The following CREB5 variants were observed in gnomAD, a reference collection of about 807,000 sequenced individuals.
The protein encoded by CREB5 is cAMP responsive element binding protein 5.
CREB5 carries 19 observed loss-of-function variants against 57.1 expected under a neutral mutation model. The observed-to-expected ratio is 0.33, with a 90% confidence interval of 0.23 to 0.49. The LOEUF (loss-of-function observed/expected upper bound fraction) is 0.49, where lower values mean the gene tolerates loss of function less well. Among genes scored for constraint, CREB5 ranks in the 20% least tolerant of loss-of-function variants. CREB5 has a pLI of 0.99. For synonymous variants in CREB5, 238 were observed against 238.3 expected, an observed-to-expected ratio of 1.00 and a Z score of 0.01; for missense variants, 579 against 671.6, an observed-to-expected ratio of 0.86 and a Z score of 1.52.
intron 7 of CREB5, among the ~76,000 whole-genome samples, chr7:28,802,078 GAAAAAA>G (rs35658848): frequency 1.6e-3 from 43 of 26,648 alleles, no homozygotes; most frequent in Middle Eastern, 0.062. Flanking sequence ...GACTCCATCT[GAAAAAA>G]AAAAAAAAAA....
chr7:28,329,377 C>T (rs1288734670), intron 1 of CREB5, among the ~76,000 whole-genome samples: 1 of 152,194 alleles, frequency 6.6e-6, no homozygotes, highest in African/African-American at 2.4e-5. Context: ...AGAGTTCATC[C>T]TCCTACTGGC....
At position 28,528,048 on chromosome 7, in the gene CREB5, C is replaced by A. The variant is rs1002160032; in HGVS notation, c.291+20311C>A. Among the ~76,000 whole-genome samples, 20 of 152,304 alleles carry A rather than the reference C, an allele frequency of 1.3e-4. No individual in the cohort carries two copies. In the South Asian group the frequency reaches 2.7e-3, roughly 21 times the overall value. On this transcript the variant is annotated intron_variant, in intron 4 of 10. Coordinates refer to ENST00000357727, the MANE Select transcript of CREB5 (RefSeq NM_182898.4). ...GGCACAATTACATGTGCGGGTCCAGCAAATTGCCTTGCACATAGAATATAC... is the reference window on the plus strand; with the variant it reads ...GGCACAATTACATGTGCGGGTCCAGAAAATTGCCTTGCACATAGAATATAC...
chr7:28,752,211 G>A (rs1477412615), intron 7 of CREB5, among the ~76,000 whole-genome samples: 1 of 152,080 alleles, frequency 6.6e-6, no homozygotes, highest in Non-Finnish European at 1.5e-5. Flanking sequence ...TTGTTGCCCA[G>A]GCTGGAGAGC....
chr7:28,767,115 C>A (rs545348291), intron 7 of CREB5, among the ~76,000 whole-genome samples: 1 of 152,302 alleles, frequency 6.6e-6, no homozygotes, highest in East Asian at 1.9e-4. Context: ...TGCCCAAGAT[C>A]TTGTGTTTTG....
chr7:28,560,829 C>CGTGTGTGTGTGT (rs1562797035), intron 4 of CREB5, among the ~76,000 whole-genome samples: 34 of 65,228 alleles, frequency 5.2e-4, no homozygotes, highest in Non-Finnish European at 7.1e-4. Flanking sequence ...TGTGCGCGCG[C>CGTGTGTGTGTGT]GCGCGTGTGT....
intron 5 of CREB5, among the ~76,000 whole-genome samples, chr7:28,690,600 CTG>C (rs1233923184): frequency 2.0e-5 from 3 of 152,174 alleles, no homozygotes; most frequent in Non-Finnish European, 4.4e-5. Context: ...CCTACCTTCT[CTG>C]TGAATTGTGG....
chr7:28,777,059 G>A (rs1472697717), intron 7 of CREB5, among the ~76,000 whole-genome samples: 2 of 152,156 alleles, frequency 1.3e-5, no homozygotes, highest in Non-Finnish European at 2.9e-5. Context: ...TTGGGTATAT[G>A]CCTAGGAGTA....
chr7:28,468,421 G>A (rs930705136), intron 1 of CREB5, among the ~76,000 whole-genome samples: 6 of 152,196 alleles, frequency 3.9e-5, no homozygotes, highest in Admixed American at 2.6e-4. Context: ...CCATGAGGAC[G>A]AGGGCAAGCT....
rs557321721 is a variant in CREB5, at chr7:28,637,165, CA to C, written c.464+66635del. On this transcript the variant is annotated intron_variant, in intron 5 of 10. Transcript: ENST00000357727. ...TGAAACCCTGTCTTAAAAAACAAAA[CA>C]AAAAAAGAAAGAAAAGAAAGGAAAA... 1.7e-4 allele frequency among the ~76,000 whole-genome samples: 26 copies of C among 151,262 alleles called. No individual in the cohort carries two copies. In the South Asian group the frequency reaches 4.4e-3, roughly 26 times the overall value.
intron 5 of CREB5, among the ~76,000 whole-genome samples, chr7:28,618,597 GCT>G (rs1797679070): frequency 6.6e-6 from 1 of 152,114 alleles, no homozygotes; most frequent in East Asian, 1.9e-4. Context: ...GACCAGTAGG[GCT>G]CTCTGATTCC....
chr7:28,525,423 T>G (rs2012098), intron 4 of CREB5, among the ~76,000 whole-genome samples: 10,474 of 152,236 alleles, frequency 0.069, 438 homozygotes, highest in Non-Finnish European at 0.094. Flanking sequence ...ATAGTGGCTA[T>G]GCTAGCTTAC....
chr7:28,499,339 G>A (rs987342000), intron 3 of CREB5, among the ~76,000 whole-genome samples: 5 of 152,138 alleles, frequency 3.3e-5, no homozygotes, highest in Non-Finnish European at 4.4e-5. Context: ...ATACCAGCAA[G>A]TTCAGTCTTT....
At chr7:28,390,424 C>G (rs1248625275) in intron 1 of CREB5, among the ~76,000 whole-genome samples, 4 of 152,074 alleles carry the variant, frequency 2.6e-5, no homozygotes, top group Non-Finnish European at 5.9e-5. Flanking sequence ...CTTATTAAAC[C>G]AGAAATGAAA....
chr7:28,708,084 G>C (rs1351731999), intron 5 of CREB5, among the ~76,000 whole-genome samples: 1 of 152,160 alleles, frequency 6.6e-6, no homozygotes, highest in Non-Finnish European at 1.5e-5. Flanking sequence ...TTGGTGATTT[G>C]ATCACAGCGG....
At chr7:28,672,611 A>G (rs866108053) in intron 5 of CREB5, among the ~76,000 whole-genome samples, 1 of 152,230 alleles carries the variant, frequency 6.6e-6, no homozygotes, top group South Asian at 2.1e-4. Flanking sequence ...CAAGGCTGAC[A>G]TATTGTTCAG....
intron 1 of CREB5, among the ~76,000 whole-genome samples, chr7:28,473,422 C>A (rs1057223072): frequency 4.6e-5 from 7 of 152,180 alleles, no homozygotes; most frequent in Non-Finnish European, 7.4e-5. Context: ...CTGTTAGTTT[C>A]CTTGGTCACT....
At chr7:28,453,975 A>C (rs1789969127) in intron 1 of CREB5, among the ~76,000 whole-genome samples, 1 of 40,040 alleles carries the variant, frequency 2.5e-5, no homozygotes, top group Non-Finnish European at 6.7e-5. Flanking sequence ...TTTTTTTGAG[A>C]TGGAGTCTCG....
intron 1 of CREB5, among the ~76,000 whole-genome samples, chr7:28,418,444 T>C (rs775190986): frequency 2.0e-5 from 3 of 152,170 alleles, no homozygotes; most frequent in Non-Finnish European, 2.9e-5. Context: ...AGGAGAGACC[T>C]TGGTGTCAGC....
intron 5 of CREB5, among the ~76,000 whole-genome samples, chr7:28,631,182 G>A: frequency 6.6e-6 from 1 of 152,202 alleles, no homozygotes; most frequent in East Asian, 1.9e-4. Context: ...TTTCAGGGAT[G>A]TTGATTCCTA....
Sources: gnomAD v4.1 joint callset for allele counts (sites outside exome capture counted in the v4.1 genomes callset) on GRCh38, gnomAD v4.1.1 for gene constraint, MANE v1.5 for transcripts, NCBI Gene and HGNC (gene_info 2026-07-23, HGNC 2026-07-21) for gene names.